The following FCHSD2 variants were observed in gnomAD, a reference collection of about 807,000 sequenced individuals.
The protein encoded by FCHSD2 is F-BAR and double SH3 domains protein 2.
FCHSD2 carries 38 observed loss-of-function variants against 108.1 expected under a neutral mutation model. The ratio of observed to expected loss-of-function variants is 0.35; its 90% confidence interval spans 0.27 to 0.46. The LOEUF (loss-of-function observed/expected upper bound fraction) is 0.46. FCHSD2 is among the 20% of genes least tolerant of loss of function. FCHSD2 has a pLI of 1.00. For synonymous variants in FCHSD2, 279 were observed against 314.7 expected, an observed-to-expected ratio of 0.89 and a Z score of 1.20; for missense variants, 751 against 897.8, an observed-to-expected ratio of 0.84 and a Z score of 2.09.
intron 8 of FCHSD2, among the ~76,000 whole-genome samples, chr11:72,972,699 C>A (rs1857029821): frequency 6.6e-6 from 1 of 152,186 alleles, no homozygotes; most frequent in Non-Finnish European, 1.5e-5. Context: ...CATAAAATAA[C>A]CAATGTAGCA....
At chr11:73,100,738 A>T (rs1027716881) in intron 2 of FCHSD2, among the ~76,000 whole-genome samples, 1 of 152,192 alleles carries the variant, frequency 6.6e-6, no homozygotes. Context: ...ACAGAAACGC[A>T]GCTTGGATGT....
At chr11:73,111,096 T>G (rs1860473343) in intron 2 of FCHSD2, among the ~76,000 whole-genome samples, 1 of 152,184 alleles carries the variant, frequency 6.6e-6, no homozygotes. Context: ...ACCTGACATA[T>G]GGTCTATGCT....
At chr11:72,940,682 A>G (rs546451244) in intron 8 of FCHSD2, 9 of 1,149,018 alleles carry the variant, frequency 7.8e-6, no homozygotes, top group East Asian at 2.3e-5. Context: ...TACATTATAT[A>G]TAGGATTCAT....
chr11:72,921,195 T>A (rs1380517122), intron 9 of FCHSD2, among the ~76,000 whole-genome samples: 1 of 152,244 alleles, frequency 6.6e-6, no homozygotes, highest in African/African-American at 2.4e-5. Context: ...TAAAAAACAT[T>A]TGCCAACCAC....
intron 3 of FCHSD2, among the ~76,000 whole-genome samples, chr11:73,056,295 T>C (rs1859023790): frequency 6.6e-6 from 1 of 152,226 alleles, no homozygotes; most frequent in Non-Finnish European, 1.5e-5. Context: ...AGTAAAGAGA[T>C]GGTCTCCATC....
chr11:72,916,361 G>C (rs555853456), intron 9 of FCHSD2, among the ~76,000 whole-genome samples: 1 of 139,094 alleles, frequency 7.2e-6, no homozygotes, highest in South Asian at 2.2e-4. Flanking sequence ...CCAGGCTACA[G>C]TACAGTAGTA....
intron 3 of FCHSD2, among the ~76,000 whole-genome samples, chr11:73,045,158 C>A (rs1459423065): frequency 6.6e-6 from 1 of 151,732 alleles, no homozygotes; most frequent in East Asian, 1.9e-4. Flanking sequence ...CCAAAAAACA[C>A]ATGAAAAAAT....
At chr11:72,859,525 T>C (rs1361790349) in intron 13 of FCHSD2, among the ~76,000 whole-genome samples, 2 of 152,222 alleles carry the variant, frequency 1.3e-5, no homozygotes, top group African/African-American at 2.4e-5. Flanking sequence ...GTGCCTCATA[T>C]ATAAATTAGC....
At chr11:72,961,494 G>T (rs1856819008) in intron 8 of FCHSD2, among the ~76,000 whole-genome samples, 1 of 152,090 alleles carries the variant, frequency 6.6e-6, no homozygotes, top group Non-Finnish European at 1.5e-5. Flanking sequence ...GGCCTCAAGT[G>T]ATTCTCCCGT....
intron 8 of FCHSD2, among the ~76,000 whole-genome samples, chr11:72,937,899 A>G (rs1856335231): frequency 6.6e-6 from 1 of 152,256 alleles, no homozygotes; most frequent in South Asian, 2.1e-4. Flanking sequence ...AATACAGAAC[A>G]TAAGATCAAA....
At chr11:72,854,004 C>T (rs1424870885) in intron 13 of FCHSD2, among the ~76,000 whole-genome samples, 5 of 152,062 alleles carry the variant, frequency 3.3e-5, no homozygotes. Flanking sequence ...AAATGCAAAT[C>T]AAAACCACAA....
intron 2 of FCHSD2, among the ~76,000 whole-genome samples, chr11:73,122,511 G>C (rs1337618908): frequency 6.6e-6 from 1 of 152,164 alleles, no homozygotes; most frequent in Non-Finnish European, 1.5e-5. Context: ...CACAGGAATG[G>C]CTACTTGTAA....
intron 3 of FCHSD2, among the ~76,000 whole-genome samples, chr11:73,043,692 G>C (rs935279733): frequency 2.0e-5 from 3 of 152,156 alleles, no homozygotes; most frequent in African/African-American, 7.2e-5. Context: ...TTTAAAATTA[G>C]ATGTGACTAT....
At chr11:72,929,538 T>C (rs186665447) in intron 8 of FCHSD2, among the ~76,000 whole-genome samples, 6 of 152,288 alleles carry the variant, frequency 3.9e-5, no homozygotes, top group African/African-American at 1.2e-4. Flanking sequence ...GCACGGGAAG[T>C]GGATGATAAC....
At chr11:73,056,087 T>C (rs1001229161) in intron 3 of FCHSD2, among the ~76,000 whole-genome samples, 3 of 152,186 alleles carry the variant, frequency 2.0e-5, no homozygotes, top group African/African-American at 7.2e-5. Context: ...ATTCTCTCAG[T>C]TCAAATTAAA....
At chr11:73,064,816 G>A (rs548726152) in intron 3 of FCHSD2, among the ~76,000 whole-genome samples, 59 of 152,170 alleles carry the variant, frequency 3.9e-4, no homozygotes, top group African/African-American at 1.3e-3. Flanking sequence ...GAAAGAAGTC[G>A]AATCCTTGAA....
chr11:73,094,984 T>G (rs1033349548), intron 2 of FCHSD2, among the ~76,000 whole-genome samples: 1 of 152,202 alleles, frequency 6.6e-6, no homozygotes, highest in Non-Finnish European at 1.5e-5. Context: ...GAATATCTTC[T>G]GGATTTCAGG....
intron 9 of FCHSD2, among the ~76,000 whole-genome samples, chr11:72,908,563 G>A (rs1331412896): frequency 6.6e-6 from 1 of 152,046 alleles, no homozygotes; most frequent in African/African-American, 2.4e-5. Flanking sequence ...CCTATCTTTT[G>A]GATAAAAGCC....
chr11:73,041,587 GTTT>G (rs201357306), intron 3 of FCHSD2, among the ~76,000 whole-genome samples: 1 of 151,514 alleles, frequency 6.6e-6, no homozygotes, highest in African/African-American at 2.4e-5. Context: ...AATTTATGGA[GTTT>G]TTTTGTTTGT....
Sources: gnomAD v4.1 joint callset for allele counts (sites outside exome capture counted in the v4.1 genomes callset) on GRCh38, gnomAD v4.1.1 for gene constraint, MANE v1.5 for transcripts, NCBI Gene and HGNC (gene_info 2026-07-23, HGNC 2026-07-21) for gene names.